Variants in HMX1 observed in about 807,000 individuals in gnomAD.
HMX1 encodes the protein homeobox protein HMX1.
A neutral mutation model predicts 8.9 loss-of-function variants in HMX1; 8 were observed. That is an observed-to-expected ratio of 0.90 (90% CI 0.53 to 1.63). HMX1 has a LOEUF of 1.63. HMX1 is among the 40% of genes most tolerant of loss of function. The pLI, the probability that HMX1 is intolerant of heterozygous loss-of-function variation, is 0.00. For missense variants in HMX1, 621 were observed against 558.5 expected, an observed-to-expected ratio of 1.11 and a Z score of -1.13; for synonymous variants, 311 against 283.4, an observed-to-expected ratio of 1.10 and a Z score of -0.98.
In HMX1 at chr4:8,853,473, C is replaced by G. The variant is rs1409940066; in HGVS notation, c.395-7149G>C. On this transcript the variant is annotated intron_variant, in intron 1 of 1. Coordinates refer to the HMX1 transcript ENST00000506970. This position sits in a 1 kb window ranked among gnomAD's most constrained non-coding sequence, Gnocchi z 4.7. ...GTCAGAACCACATCATGTGACCGGG[C>G]TGAGCTGCAAGGGAGGCTGGGAAAT... is the stretch of plus-strand genomic sequence containing the variant. 6.6e-6 allele frequency among the ~76,000 whole-genome samples: 1 copy of G among 152,204 alleles called. No individual in the cohort carries two copies. The highest frequency in any genetic ancestry group is 1.9e-4 in the East Asian group (1 of 5,198).
At position 8,848,000 on chromosome 4, in the gene HMX1, T is replaced by C. The variant is rs1205357841; in HGVS notation, c.395-1676A>G. ...GCCAGGTCCAGGGTGACATCTGAGC[T>C]CAGCGAACCGAATTTTGAATCTAAA... On this transcript the variant is annotated intron_variant, in intron 1 of 1. Transcript: ENST00000506970. This position sits in a 1 kb window ranked among gnomAD's most constrained non-coding sequence, Gnocchi z 6.0. 6.6e-6 allele frequency among the ~76,000 whole-genome samples: 1 copy of C among 152,172 alleles called. No homozygotes were observed. Among genetic ancestry groups the C allele is most frequent in the East Asian group, 1.9e-4 (1 of 5,176 alleles).
At chr4:8,851,571 C>T (rs911957600) in intron 1 of HMX1, among the ~76,000 whole-genome samples, 1 of 151,668 alleles carries the variant, frequency 6.6e-6, no homozygotes, top group East Asian at 1.9e-4. Flanking sequence ...GGATACAAGA[C>T]CCCCTGAGGC....
In HMX1 at chr4:8,867,324, C is replaced by T; in HGVS notation, c.*369G>A. Reference sequence around the variant, plus strand: ...ACCGCTCAGCCTTGGACAGCCGGTTCGTAGTTTTCCTTTGTTGCGCTGGGC... The same window carrying T: ...ACCGCTCAGCCTTGGACAGCCGGTTTGTAGTTTTCCTTTGTTGCGCTGGGC... On this transcript the variant is annotated 3_prime_UTR_variant, in exon 2 of 2. Coordinates refer to ENST00000400677, the MANE Select transcript of HMX1 (RefSeq NM_018942.3). The T allele has an allele frequency of 1.0e-6, 1 of 997,058 alleles. No homozygotes were observed. The highest frequency in any genetic ancestry group is 1.2e-6 in the Non-Finnish European group (1 of 837,870). The allele number at this position is 997,058 out of a possible 1,614,324, so 61.8% of individuals were successfully genotyped here. A position where few individuals can be genotyped will look rare whatever the true frequency, so the allele number is the denominator to read the frequency against.
At chr4:8,859,800 A>C (rs2109462734) in intron 1 of HMX1, among the ~76,000 whole-genome samples, 1 of 152,340 alleles carries the variant, frequency 6.6e-6, no homozygotes, top group East Asian at 1.9e-4. Flanking sequence ...AGGCGGGCAA[A>C]GGGCTGATCA....
chr4:8,859,501 T>G (rs1721725109), intron 1 of HMX1, among the ~76,000 whole-genome samples: 1 of 152,152 alleles, frequency 6.6e-6, no homozygotes, highest in Non-Finnish European at 1.5e-5. Flanking sequence ...GGGTACTGCC[T>G]CTCAGACCCC....
Position 8,868,178 on chromosome 4 carries a change from C to CCGCAGGGACCTCGGCCAGCTCCGA in HMX1, c.538_561dup (p.Ser180_Ala187dup). The stretch of plus-strand genomic sequence containing the variant: ...ACGCCGCCGCGTGTCTCCCCAGCCG[C>CCGCAGGGACCTCGGCCAGCTCCGA]CGCAGGGACCTCGGCCAGCTCCGAC... On this transcript the variant is annotated inframe_insertion, in exon 2 of 2. Coordinates refer to ENST00000400677, the MANE Select transcript of HMX1 (RefSeq NM_018942.3). This position sits in a 1 kb window ranked among gnomAD's most constrained non-coding sequence, Gnocchi z 4.6. The CCGCAGGGACCTCGGCCAGCTCCGA allele has an allele frequency of 6.7e-7, 1 of 1,497,168 alleles. No individual in the cohort carries two copies. Among genetic ancestry groups the CCGCAGGGACCTCGGCCAGCTCCGA allele is most frequent in the South Asian group, 1.3e-5 (1 of 79,744 alleles). The allele number at this position is 1,497,168 out of a possible 1,614,324, so 92.7% of individuals were successfully genotyped here.
downstream of HMX1, among the ~76,000 whole-genome samples, chr4:8,864,235 C>T (rs9886994): frequency 0.066 from 10,063 of 152,180 alleles, 1,101 homozygotes; most frequent in African/African-American, 0.22. Flanking sequence ...GGTGGGGAAA[C>T]GGAGGCCTGG....
At chr4:8,850,953 G>T (rs529255212) in intron 1 of HMX1, among the ~76,000 whole-genome samples, 3 of 152,352 alleles carry the variant, frequency 2.0e-5, no homozygotes, top group Admixed American at 2.0e-4. Flanking sequence ...CCCCTTGGCC[G>T]GACTGGGCTC....
In HMX1 at chr4:8,868,474, G is replaced by GGAA; in HGVS notation, c.395-130_395-129insTTC. ...CAGGAAGACCTTCCAGCACAGGGCT[G>GGAA]GGCACCCAGCAGCTCTGGGGATGCA... is the stretch of plus-strand genomic sequence containing the variant. On this transcript the variant is annotated intron_variant, in intron 1 of 1. Coordinates refer to ENST00000400677, the MANE Select transcript of HMX1 (RefSeq NM_018942.3). This position sits in a 1 kb window ranked among gnomAD's most constrained non-coding sequence, Gnocchi z 4.6. 3 of 724,836 alleles carry GGAA rather than the reference G, an allele frequency of 4.1e-6. No individual in the cohort carries two copies. The highest frequency in any genetic ancestry group is 5.8e-6 in the Non-Finnish European group (3 of 517,634). The allele number at this position is 724,836 out of a possible 1,614,324, so 44.9% of individuals were successfully genotyped here.
rs1198890377 is a variant in HMX1 at position 8,847,840 on chromosome 4, G to A, written c.395-1516C>T. Among the ~76,000 whole-genome samples the A allele has an allele frequency of 6.6e-6, 1 of 152,204 alleles. No homozygotes were observed. The highest frequency in any genetic ancestry group is 1.5e-5 in the Non-Finnish European group (1 of 68,040). On this transcript the variant is annotated intron_variant, in intron 1 of 1. Coordinates refer to the HMX1 transcript ENST00000506970. The surrounding 1 kb of genome is among the most constrained non-coding windows in gnomAD (Gnocchi z 6.0). ...AACAGGGGAATGGGAAGGACAAGAA[G>A]AACCTCGGGGTTGGCTGGAGTGGCT...
rs747552487 is a variant in HMX1, at chr4:8,848,977, C to T, written c.395-2653G>A. Among the ~76,000 whole-genome samples the T allele has an allele frequency of 6.6e-6, 1 of 152,140 alleles. No individual in the cohort carries two copies. The highest frequency in any genetic ancestry group is 6.5e-5 in the Admixed American group (1 of 15,282). On this transcript the variant is annotated intron_variant, in intron 1 of 1. Coordinates refer to the HMX1 transcript ENST00000506970. This position sits in a 1 kb window ranked among gnomAD's most constrained non-coding sequence, Gnocchi z 4.1. ...GGGTAACCTGTCCAGCTCACGTTAC[C>T]GCAGGAGCAATTCCTCCTCTCTGAA... is the stretch of plus-strand genomic sequence containing the variant.
chr4:8,861,362 C>T (rs531956683), intron 1 of HMX1, among the ~76,000 whole-genome samples: 306 of 152,228 alleles, frequency 2.0e-3, no homozygotes, highest in African/African-American at 7.0e-3. Context: ...GCCGCGCTTC[C>T]CGCGGCCTGT....
intron 1 of HMX1, among the ~76,000 whole-genome samples, chr4:8,852,318 C>T (rs536605627): frequency 7.2e-5 from 11 of 152,374 alleles, no homozygotes; most frequent in Non-Finnish European, 1.2e-4. Context: ...CAGGCCCTCA[C>T]GCCCTGCATC....
intron 1 of HMX1, among the ~76,000 whole-genome samples, chr4:8,861,519 C>T (rs1425273874): frequency 2.0e-5 from 3 of 152,204 alleles, no homozygotes; most frequent in East Asian, 1.9e-4. Context: ...TGCACGCGCG[C>T]GCGGGATCCT....
chr4:8,869,050 C>A (rs1175844837), intron 1 of HMX1, among the ~76,000 whole-genome samples: 1 of 152,222 alleles, frequency 6.6e-6, no homozygotes, highest in Non-Finnish European at 1.5e-5. Context: ...ACACCAGCCA[C>A]AATCATGCTC....
At chr4:8,863,575 G>A (rs1238483214), downstream of HMX1, among the ~76,000 whole-genome samples, 1 of 152,262 alleles carries the variant, frequency 6.6e-6, no homozygotes, top group Non-Finnish European at 1.5e-5. Flanking sequence ...GGGAGTCGGC[G>A]GGCAGAGGAG....
chr4:8,853,560 G>A lies in HMX1; in HGVS notation c.395-7236C>T, dbSNP rs1721520011. ...GGGTTCAATTAGTAAAAGGTAAAAG[G>A]GGAGAATGCGGCTGGGCATGGTGGC... On this transcript the variant is annotated intron_variant, in intron 1 of 1. Coordinates refer to the HMX1 transcript ENST00000506970. This position sits in a 1 kb window ranked among gnomAD's most constrained non-coding sequence, Gnocchi z 4.7. Among the ~76,000 whole-genome samples the A allele has an allele frequency of 6.6e-6, 1 of 152,206 alleles. No individual in the cohort carries two copies. The highest frequency in any genetic ancestry group is 1.5e-5 in the Non-Finnish European group (1 of 68,044).
downstream of HMX1, among the ~76,000 whole-genome samples, chr4:8,864,470 C>T (rs1721927906): frequency 6.6e-6 from 1 of 152,166 alleles, no homozygotes; most frequent in African/African-American, 2.4e-5. Flanking sequence ...GTGGTGGAGG[C>T]AGATCGAAGC....
downstream of HMX1, among the ~76,000 whole-genome samples, chr4:8,863,822 A>G (rs1407231948): frequency 6.6e-6 from 1 of 152,224 alleles, no homozygotes; most frequent in Non-Finnish European, 1.5e-5. Context: ...GGATTCCAGT[A>G]GCTCCGATCC....
Sources: gnomAD v4.1 joint callset for allele counts (sites outside exome capture counted in the v4.1 genomes callset) on GRCh38, gnomAD v4.1.1 for gene constraint, Gnocchi (gnomAD v3.1) non-coding constraint, MANE v1.5 for transcripts, NCBI Gene and HGNC (gene_info 2026-07-23, HGNC 2026-07-21) for gene names.